Variants in SCHIP1 observed in about 807,000 individuals in gnomAD.
SCHIP1 encodes the protein schwannomin-interacting protein 1.
Under a neutral mutation model 29.7 loss-of-function variants are expected in SCHIP1, and 8 were observed. The ratio of observed to expected loss-of-function variants is 0.27; its 90% confidence interval spans 0.16 to 0.49. The LOEUF is 0.49. SCHIP1 is among the 20% of genes least tolerant of loss of function. SCHIP1 has a pLI of 0.99. For synonymous variants in SCHIP1, 76 were observed against 94.9 expected (o/e 0.80, Z 1.16); for missense variants, 193 against 294.6 (o/e 0.66, Z 2.52).
chr3:159,339,099 C>G, the SCHIP1 span, among the ~76,000 whole-genome samples: 2 of 151,946 alleles, frequency 1.3e-5, no homozygotes, highest in Non-Finnish European at 2.9e-5. Context: ...ACTGATGAAA[C>G]AACCAAATGA....
At chr3:159,809,856 C>T in the SCHIP1 span, among the ~76,000 whole-genome samples, 1 of 151,902 alleles carries the variant, frequency 6.6e-6, no homozygotes, top group Non-Finnish European at 1.5e-5. Context: ...CAAAAATTAG[C>T]TGGGGCATGC....
At chr3:159,721,970 G>T in the SCHIP1 span, 1 of 380,178 alleles carries the variant, frequency 2.6e-6, no homozygotes, top group South Asian at 2.2e-5. Context: ...TCTTCAGCTT[G>T]ACTTTCTGTT....
chr3:159,839,722 A>G, upstream of SCHIP1: 2 of 350,696 alleles, frequency 5.7e-6, no homozygotes, highest in East Asian at 9.1e-5. Flanking sequence ...AGAAATGTTC[A>G]ACTGCAACAT....
the SCHIP1 span, among the ~76,000 whole-genome samples, chr3:159,579,754 C>G: frequency 1.3e-5 from 2 of 152,102 alleles, no homozygotes; most frequent in Non-Finnish European, 2.9e-5. Context: ...TTGAGTTCAA[C>G]AATTCTGTAA....
chr3:159,301,683 C>T, the SCHIP1 span, among the ~76,000 whole-genome samples: 1 of 152,172 alleles, frequency 6.6e-6, no homozygotes, highest in South Asian at 2.1e-4. Context: ...GGCACTTCCC[C>T]TTTCAATCTC....
the SCHIP1 span, among the ~76,000 whole-genome samples, chr3:159,489,864 C>A: frequency 6.6e-6 from 1 of 151,856 alleles, no homozygotes; most frequent in Non-Finnish European, 1.5e-5. Context: ...GGTCTGGTGT[C>A]TTTTATATTA....
At chr3:159,278,124 G>C in the SCHIP1 span, among the ~76,000 whole-genome samples, 1 of 152,152 alleles carries the variant, frequency 6.6e-6, no homozygotes, top group Non-Finnish European at 1.5e-5. Flanking sequence ...AGGGTCATCA[G>C]TGCAGTGTCA....
At chr3:159,795,192 G>A in the SCHIP1 span, among the ~76,000 whole-genome samples, 25 of 152,278 alleles carry the variant, frequency 1.6e-4, no homozygotes, top group African/African-American at 5.1e-4. Context: ...AAGACTCTCC[G>A]TGACCTTAGA....
the SCHIP1 span, among the ~76,000 whole-genome samples, chr3:159,695,944 A>T: frequency 6.6e-6 from 1 of 151,924 alleles, no homozygotes; most frequent in Non-Finnish European, 1.5e-5. Flanking sequence ...GTAGGTTCTT[A>T]TCACTTCTGG....
the SCHIP1 span, among the ~76,000 whole-genome samples, chr3:159,315,802 A>G: frequency 4.6e-5 from 7 of 152,226 alleles, no homozygotes; most frequent in African/African-American, 1.7e-4. Context: ...CAAGATTAAA[A>G]CAAAAGACAG....
the SCHIP1 span, among the ~76,000 whole-genome samples, chr3:159,396,399 C>A: frequency 4.8e-5 from 7 of 147,316 alleles, no homozygotes; most frequent in African/African-American, 1.8e-4. Flanking sequence ...TTAGTTGATG[C>A]AGTTTCTTCC....
the SCHIP1 span, among the ~76,000 whole-genome samples, chr3:159,652,688 G>A: frequency 6.6e-6 from 1 of 152,144 alleles, no homozygotes; most frequent in Non-Finnish European, 1.5e-5. Flanking sequence ...CTGTTGAAAT[G>A]ACATCTGAGC....
chr3:159,285,140 T>C, the SCHIP1 span, among the ~76,000 whole-genome samples: 1 of 152,194 alleles, frequency 6.6e-6, no homozygotes, highest in Non-Finnish European at 1.5e-5. Context: ...GGGGTATTTG[T>C]GTAGGGATCG....
the SCHIP1 span, among the ~76,000 whole-genome samples, chr3:159,609,916 G>A: frequency 6.6e-6 from 1 of 152,280 alleles, no homozygotes; most frequent in African/African-American, 2.4e-5. Context: ...ATTATGGAAA[G>A]CAAGAATTGA....
At chr3:159,884,878 C>A (rs1454031182) in intron 2 of SCHIP1, among the ~76,000 whole-genome samples, 1 of 152,100 alleles carries the variant, frequency 6.6e-6, no homozygotes, top group Non-Finnish European at 1.5e-5. Context: ...CTCCCCCTTG[C>A]CTGTGCCATG....
At chr3:159,632,230 G>C in the SCHIP1 span, among the ~76,000 whole-genome samples, 1 of 152,258 alleles carries the variant, frequency 6.6e-6, no homozygotes, top group South Asian at 2.1e-4. Context: ...CCGGATTATT[G>C]TGAGCCTTCT....
chr3:159,594,338 T>A, the SCHIP1 span, among the ~76,000 whole-genome samples: 1 of 152,228 alleles, frequency 6.6e-6, no homozygotes, highest in Non-Finnish European at 1.5e-5. Context: ...TTTTTAAATG[T>A]TATGTTAGTT....
chr3:159,850,839 C>T (rs1712524074), intron 1 of SCHIP1, among the ~76,000 whole-genome samples: 1 of 152,110 alleles, frequency 6.6e-6, no homozygotes, highest in African/African-American at 2.4e-5. Flanking sequence ...AGAAACCACC[C>T]CCATGGTCCA....
chr3:159,666,975 C>A, the SCHIP1 span, among the ~76,000 whole-genome samples: 8 of 152,144 alleles, frequency 5.3e-5, no homozygotes, highest in African/African-American at 1.7e-4. Context: ...AGTTTTCTGG[C>A]CTGTAAATGG....
Sources: allele counts gnomAD v4.1 joint callset (sites outside exome capture counted in the v4.1 genomes callset), GRCh38; gene constraint gnomAD v4.1.1; transcripts MANE v1.5; gene names NCBI Gene and HGNC (gene_info 2026-07-23, HGNC 2026-07-21).